The following ABHD12 variants were observed in gnomAD, a reference collection of about 807,000 sequenced individuals.
ABHD12 encodes lysophosphatidylserine lipase ABHD12.
In ABHD12, 43 loss-of-function variants were observed where a neutral mutation model predicts 58.3. That is an observed-to-expected ratio of 0.74 (90% confidence interval 0.58 to 0.95). ABHD12 has a LOEUF of 0.95. ABHD12 is among the 40% of genes least tolerant of loss of function. The probability of loss-of-function intolerance (pLI) is 0.00; values close to 1 mark genes in which losing one functional copy is unlikely to be tolerated. For missense variants in ABHD12, 539 were observed against 537.2 expected (o/e 1.00, Z -0.03); for synonymous variants, 219 against 211.2 (o/e 1.04, Z -0.32).
chr20:25,390,370 A>T (rs937126172), intron 1 of ABHD12, 143 bp downstream of exon 1: 2 of 842,582 alleles, frequency 2.4e-6, no homozygotes, highest in Non-Finnish European at 3.2e-6. Context: ...AATGCGGGAC[A>T]CAGGCGCGGA....
chr20:25,326,820 T>C (rs1165029513), intron 2 of ABHD12, among the ~76,000 whole-genome samples: 1 of 152,220 alleles, frequency 6.6e-6, no homozygotes, highest in Non-Finnish European at 1.5e-5. Flanking sequence ...AAGGACTAAA[T>C]CTTAAATTCT....
At chr20:25,295,379 T>C (rs2088525253), downstream of ABHD12, among the ~76,000 whole-genome samples, 1 of 152,160 alleles carries the variant, frequency 6.6e-6, no homozygotes, top group South Asian at 2.1e-4. Flanking sequence ...TGAAATAAGG[T>C]TTTTCTAAAA....
At chr20:25,363,937 A>T (rs2089786317) in intron 1 of ABHD12, among the ~76,000 whole-genome samples, 1 of 152,196 alleles carries the variant, frequency 6.6e-6, no homozygotes. Flanking sequence ...AGAATTAGAA[A>T]TGAAGGTGCA....
intron 2 of ABHD12, among the ~76,000 whole-genome samples, chr20:25,328,178 C>T (rs1163733268): frequency 6.6e-6 from 1 of 152,116 alleles, no homozygotes; most frequent in Non-Finnish European, 1.5e-5. Context: ...AGAAGGCTCC[C>T]GACCAGAGGA....
At chr20:25,375,871 C>T (rs2089956316) in intron 1 of ABHD12, among the ~76,000 whole-genome samples, 1 of 152,236 alleles carries the variant, frequency 6.6e-6, no homozygotes, top group Middle Eastern at 3.4e-3. Context: ...ACCTGTAATC[C>T]CAGCACTTTG....
At chr20:25,305,281 C>G (rs1335296993) in intron 10 of ABHD12, among the ~76,000 whole-genome samples, 2 of 152,038 alleles carry the variant, frequency 1.3e-5, no homozygotes, top group Admixed American at 1.3e-4. Context: ...AGAACCAAAA[C>G]ATACTTGATG....
intron 1 of ABHD12, among the ~76,000 whole-genome samples, chr20:25,375,938 C>G (rs890850382): frequency 2.0e-5 from 3 of 151,928 alleles, no homozygotes; most frequent in African/African-American, 7.3e-5. Flanking sequence ...CTGGCTAACA[C>G]GGTGAAACCC....
At chr20:25,372,228 T>TG (rs1452319907) in intron 1 of ABHD12, among the ~76,000 whole-genome samples, 5 of 152,086 alleles carry the variant, frequency 3.3e-5, no homozygotes, top group Admixed American at 1.3e-4. Flanking sequence ...TTCTTTTTTT[T>TG]TTTTTAAGAA....
intron 1 of ABHD12, 142 bp downstream of exon 1, chr20:25,390,371 C>A: frequency 1.2e-6 from 1 of 858,788 alleles, no homozygotes; most frequent in Non-Finnish European, 1.6e-6. Flanking sequence ...ATGCGGGACA[C>A]AGGCGCGGAC....
In ABHD12 at chr20:25,323,351, T is replaced by C; in HGVS notation, c.396A>G (p.Pro132=). Residue 132 remains proline (P), a synonymous_variant, in exon 3 of 13, where the codon CCA becomes CCG. Coordinates refer to ENST00000339157, the MANE Select transcript of ABHD12 (RefSeq NM_001042472.3). ...LNHTCNYYLQ[P]EEDVTIGVWH... ...AGACTCCAATGGTCACGTCTTCCTC[T>C]GGCTGCAGGTAGTAGTTACACGTGT... 1 of 1,614,064 alleles carries C rather than the reference T, an allele frequency of 6.2e-7. No homozygotes were observed. Among genetic ancestry groups the C allele is most frequent in the Non-Finnish European group, 8.5e-7 (1 of 1,179,898 alleles).
At chr20:25,339,388 T>C in intron 1 of ABHD12, 37 bp from the exon 2 acceptor site, 2 of 1,613,894 alleles carry the variant, frequency 1.2e-6, no homozygotes, top group East Asian at 4.5e-5. Flanking sequence ...CAGAAGGCAG[T>C]AGGTGCCATT....
chr20:25,300,214 GACC>G lies in ABHD12; in HGVS notation c.*628_*630del. ...TTCTCGCGCTGCAGAGAGACAAAAG[GACC>G]ACCACCACGATTTTATTCTTAAATA... On this transcript the variant is annotated 3_prime_UTR_variant, in exon 13 of 13. Transcript: ENST00000339157. 1 of 997,662 alleles carries G rather than the reference GACC, an allele frequency of 1.0e-6. No individual in the cohort carries two copies. Among genetic ancestry groups the G allele is most frequent in the Non-Finnish European group, 1.2e-6 (1 of 836,542 alleles). The allele number at this position is 997,662 out of a possible 1,614,324, so 61.8% of individuals were successfully genotyped here.
At chr20:25,381,771 C>G (rs1282654364) in intron 1 of ABHD12, among the ~76,000 whole-genome samples, 2 of 152,090 alleles carry the variant, frequency 1.3e-5, no homozygotes, top group Non-Finnish European at 2.9e-5. Flanking sequence ...CCCAGGATTA[C>G]AGGAGATAAT....
At chr20:25,296,806 G>T, downstream of ABHD12, 1 of 431,836 alleles carries the variant, frequency 2.3e-6, no homozygotes, top group Non-Finnish European at 4.2e-6. Context: ...GTGGGAGTCA[G>T]GTGGAGCCAC....
chr20:25,372,965 C>T (rs1430389041), intron 1 of ABHD12, among the ~76,000 whole-genome samples: 1 of 152,168 alleles, frequency 6.6e-6, no homozygotes, highest in African/African-American at 2.4e-5. Flanking sequence ...ATTGTATTTT[C>T]ACTGTACCTT....
At chr20:25,383,704 C>T (rs2090049082) in intron 1 of ABHD12, among the ~76,000 whole-genome samples, 1 of 152,106 alleles carries the variant, frequency 6.6e-6, no homozygotes, top group Admixed American at 6.5e-5. Context: ...CCCTGTAATC[C>T]CAGTACTTTG....
intron 1 of ABHD12, among the ~76,000 whole-genome samples, chr20:25,388,125 G>T (rs1168592452): frequency 7.6e-6 from 1 of 131,086 alleles, no homozygotes; most frequent in East Asian, 2.1e-4. Flanking sequence ...GCTAAACACT[G>T]AAAACTTTTA....
At chr20:25,354,920 TC>T (rs1317246345) in intron 1 of ABHD12, among the ~76,000 whole-genome samples, 1 of 152,174 alleles carries the variant, frequency 6.6e-6, no homozygotes, top group African/African-American at 2.4e-5. Context: ...GCTTTCTCTT[TC>T]CTATCTCTTT....
At chr20:25,385,331 C>CAAAAAAAAAAAA (rs11477490) in intron 1 of ABHD12, among the ~76,000 whole-genome samples, 1 of 51,724 alleles carries the variant, frequency 1.9e-5, no homozygotes. Flanking sequence ...GAGTGAGACT[C>CAAAAAAAAAAAA]AAAAAAAAAA....
Sources: allele counts gnomAD v4.1 joint callset (sites outside exome capture counted in the v4.1 genomes callset), GRCh38; gene constraint gnomAD v4.1.1; transcripts MANE v1.5; gene names NCBI Gene and HGNC (gene_info 2026-07-23, HGNC 2026-07-21).